Variants in TCHH observed in about 807,000 individuals in gnomAD.
TCHH encodes trichohyalin.
TCHH carries 6 observed loss-of-function variants against 6.3 expected under a neutral mutation model. The ratio of observed to expected loss-of-function variants is 0.95; its 90% confidence interval spans 0.52 to 1.88. The LOEUF (loss-of-function observed/expected upper bound fraction) is 1.88. Ranked by LOEUF, TCHH falls within the 40% of genes most tolerant of loss-of-function variation. TCHH has a pLI of 0.01. For synonymous variants in TCHH, 1,087 were observed against 963.6 expected (o/e 1.13, Z -2.37); for missense variants, 2,920 against 2,449.1 (o/e 1.19, Z -4.06).
chr1:152,112,785 C>T lies in TCHH; in HGVS notation c.432G>A (p.Gln144=). ...GQRRRQKRQE[Q]ERELAEGEEQ... Reference sequence around the variant, plus strand: ...CCTCTCCCTCAGCTAGCTCCCTCTCCTGTTCCTGCCTCTTCTGCCTGCGTC... The same window carrying T: ...CCTCTCCCTCAGCTAGCTCCCTCTCTTGTTCCTGCCTCTTCTGCCTGCGTC... The change falls in exon 3 of 3, where the codon CAG becomes CAA. Residue 144 remains glutamine, a synonymous_variant. Coordinates refer to ENST00000614923, the MANE Select transcript of TCHH (RefSeq NM_007113.4). 1 of 1,614,070 alleles carries T rather than the reference C, an allele frequency of 6.2e-7. No individual in the cohort carries two copies.
intron 2 of TCHH, 54 bp downstream of exon 2, chr1:152,113,889 G>A: frequency 1.9e-6 from 3 of 1,592,680 alleles, no homozygotes; most frequent in Non-Finnish European, 2.6e-6. Flanking sequence ...TCTCCTCTGA[G>A]AATAAATCTC....
chr1:152,108,040 C>G lies in TCHH; in HGVS notation c.5177G>C (p.Arg1726Pro). 1 of 1,613,844 alleles carries G rather than the reference C, an allele frequency of 6.2e-7. No individual in the cohort carries two copies. Residue 1726 changes from arginine to proline, a missense_variant, in exon 3 of 3, where the codon CGT (arginine) becomes CCT (proline). Physicochemically the swap from Arg to Pro is moderately radical, Grantham distance 103. Transcript: ENST00000614923. ...TTCTTGGCGCAGCTGTTCCTCCTCA[C>G]GGAATTTTCTCTCCAGTTCCTGGCG... is the stretch of plus-strand genomic sequence containing the variant. ...LRRQELERKF[R>P]EEEQLRQETE...
rs760561634 is a variant in TCHH, at chr1:152,109,203, G to A, written c.4014C>T (p.Phe1338=). 17 of 1,614,246 alleles carry A rather than the reference G, an allele frequency of 1.1e-5. 1 individual carries two copies. In the Middle Eastern group the frequency reaches 6.6e-4, roughly 63 times the overall value. ...CCTGGAGCAGCTGTTCCTCCTCGCG[G>A]AATTTTCTGTCTGTCTCTTGACGGC... ...KRRRQETDRK[F]REEEQLLQER... is the part of the protein sequence containing the mutation. Residue 1338 remains phenylalanine, a synonymous_variant, in exon 3 of 3, where the codon TTC becomes TTT. Coordinates refer to ENST00000614923, the MANE Select transcript of TCHH (RefSeq NM_007113.4).
At position 152,106,683 on chromosome 1, in the gene TCHH, C is replaced by T. The variant is rs1658114572; in HGVS notation, c.*702G>A. 1 of 152,136 alleles carries T rather than the reference C, an allele frequency of 6.6e-6. No homozygotes were observed. The allele number at this position is 152,136 out of a possible 1,614,324, so 9.4% of individuals were successfully genotyped here. ...TTTGAACTCTGAAGTTGAGAAACAC[C>T]TCATTATTTCTTCATGAGATTATGT... On this transcript the variant is annotated 3_prime_UTR_variant, in exon 3 of 3. Coordinates refer to ENST00000614923, the MANE Select transcript of TCHH (RefSeq NM_007113.4).
In TCHH at chr1:152,110,391, C is replaced by G. The variant is rs753116132; in HGVS notation, c.2826G>C (p.Gln942His). 3 of 1,613,800 alleles carry G rather than the reference C, an allele frequency of 1.9e-6. No homozygotes were observed. Among genetic ancestry groups the G allele is most frequent in the African/African-American group, 1.3e-5 (1 of 74,884 alleles). Residue 942 changes from glutamine to histidine, a missense_variant, in exon 3 of 3, where the codon CAG (glutamine) becomes CAC (histidine). Coordinates refer to ENST00000614923, the MANE Select transcript of TCHH (RefSeq NM_007113.4). ...EEEQLQQEEEQLLREEREKRR... is the reference protein window; with the variant it reads ...EEEQLQQEEEHLLREEREKRR... ...TTTTCTCCCGTTCCTCTCTCAGCAGCTGCTCTTCCTCCTGCTGCAGCTGCT... is the reference window on the plus strand; with the variant it reads ...TTTTCTCCCGTTCCTCTCTCAGCAGGTGCTCTTCCTCCTGCTGCAGCTGCT...
chr1:152,111,495 C>G lies in TCHH; in HGVS notation c.1722G>C (p.Arg574Ser). The change falls in exon 3 of 3, where the codon AGG (arginine) becomes AGC (serine). Residue 574 changes from arginine (R) to serine (S), a missense_variant. Physicochemically the swap from Arg to Ser is moderately radical, Grantham distance 110 (BLOSUM62 -1). Transcript: ENST00000614923. ...CCTCGCGCTTCAGCAGCTGATCGCGCCTCTCCTCCTGCTCGCGCTTCAGCC... is the reference window on the plus strand; with the variant it reads ...CCTCGCGCTTCAGCAGCTGATCGCGGCTCTCCTCCTGCTCGCGCTTCAGCC... The part of the protein sequence containing the change: ...EQRLKREQEE[R>S]RDQLLKREEE... The G allele has an allele frequency of 5.0e-6, 8 of 1,609,848 alleles. No homozygotes were observed. Among genetic ancestry groups the G allele is most frequent in the Non-Finnish European group, 6.8e-6 (8 of 1,178,424 alleles).
At chr1:152,115,262 G>A (rs916308923) in intron 1 of TCHH, 129 bp downstream of exon 1, 1 of 152,180 alleles carries the variant, frequency 6.6e-6, no homozygotes, top group Non-Finnish European at 1.5e-5. Context: ...GTTAGTGATA[G>A]TTTATTTATC....
Position 152,110,298 on chromosome 1 carries a change from C to G in TCHH, c.2919G>C (p.Leu973=). 6.2e-7 allele frequency: 1 copy of G among 1,610,884 alleles called. No individual in the cohort carries two copies. Among genetic ancestry groups the G allele is most frequent in the South Asian group, 1.1e-5 (1 of 90,838 alleles). The change falls in exon 3 of 3, where the codon CTG becomes CTC. Residue 973 remains leucine (L), a synonymous_variant. Coordinates refer to ENST00000614923, the MANE Select transcript of TCHH (RefSeq NM_007113.4). ...TTCTCTTCTCCGGTTCCTCTCCCAG[C>G]AGCTGCTCTTCCTTCTGCTGCAGCT... is the stretch of plus-strand genomic sequence containing the variant. ...DKKLQQKEEQ[L]LGEEPEKRRR...
rs746047246 is a variant in TCHH at position 152,108,663 on chromosome 1, G to C, written c.4554C>G (p.Leu1518=). Reference sequence around the variant, plus strand: ...GGCGGTGCAGCTGCTGTTCCTCCTCGAGGAATTTTCTCTCTGGTTCCTGAC... The same window carrying C: ...GGCGGTGCAGCTGCTGTTCCTCCTCCAGGAATTTTCTCTCTGGTTCCTGAC... ...LRSQEPERKF[L]EEEQQLHRQQ... Residue 1518 remains leucine, a synonymous_variant, in exon 3 of 3, where the codon CTC becomes CTG. Transcript: ENST00000614923. The C allele has an allele frequency of 5.0e-6, 8 of 1,605,746 alleles. No individual in the cohort carries two copies. In the East Asian group the frequency reaches 6.9e-5, roughly 14 times the overall value.
At position 152,109,942 on chromosome 1, in the gene TCHH, T is replaced by C. The variant is rs373051631; in HGVS notation, c.3275A>G (p.Gln1092Arg). 22 of 1,583,314 alleles carry C rather than the reference T, an allele frequency of 1.4e-5. No individual in the cohort carries two copies. The Middle Eastern group carries it at 5.0e-4, about 36-fold the overall frequency. The stretch of plus-strand genomic sequence containing the variant: ...CTTCTCCGGTTCCTCTCTCAGCAGC[T>C]GCTCTTCCTCCTGCTGCAGCTCCTC... ...KEEELQQEEE[Q>R]LLREEPEKRR... The change falls in exon 3 of 3, where the codon CAG (glutamine) becomes CGG (arginine). Residue 1092 changes from glutamine to arginine, a missense_variant. Coordinates refer to ENST00000614923, the MANE Select transcript of TCHH (RefSeq NM_007113.4).
chr1:152,108,417 G>A lies in TCHH; in HGVS notation c.4800C>T (p.Asp1600=), dbSNP rs534910550. The change falls in exon 3 of 3, where the codon GAC becomes GAT. Residue 1600 remains aspartate (D), a synonymous_variant. Transcript: ENST00000614923. ...CCTCCTGGCGGCGCAGCTGCTGTTC[G>A]TCCTCCATGAATTTTCTCTCTTGTT... is the stretch of plus-strand genomic sequence containing the variant. The part of the protein sequence containing the change: ...RQEQERKFME[D]EQQLRRQEGQ... 2.1e-5 allele frequency: 34 copies of A among 1,591,750 alleles called. No homozygotes were observed. In the South Asian group the frequency reaches 3.6e-4, roughly 17 times the overall value.
chr1:152,112,728 C>T lies in TCHH; in HGVS notation c.489G>A (p.Gln163=), dbSNP rs1658421317. The part of the protein sequence containing the change: ...EQSEKQERLE[Q]RDRQRRDEEL... ...CCTCGTCGCGGCGCTGCCTGTCGCG[C>T]TGTTCAAGTCGCTCTTGTTTCTCAC... The change falls in exon 3 of 3, where the codon CAG becomes CAA. Residue 163 remains glutamine (Q), a synonymous_variant. Transcript: ENST00000614923. 6.2e-7 allele frequency: 1 copy of T among 1,614,116 alleles called. No individual in the cohort carries two copies. The highest frequency in any genetic ancestry group is 8.5e-7 in the Non-Finnish European group (1 of 1,180,022).
chr1:152,113,284 C>G (rs1658436299), intron 2 of TCHH, among the ~76,000 whole-genome samples: 1 of 152,154 alleles, frequency 6.6e-6, no homozygotes, highest in Non-Finnish European at 1.5e-5. Flanking sequence ...ATTTTTACAT[C>G]TCGTAATTTA....
Position 152,112,333 on chromosome 1 carries a change from T to C in TCHH, c.884A>G (p.Gln295Arg). ...CTCGCGCCTCAGCCTTTGCTGCTGC[T>C]GCTCTTCCTCCTGGCGCTCCCTCCT... The part of the protein sequence containing the change: ...ELRRERQEEE[Q>R]QQQRLRREQQ... Residue 295 changes from glutamine (Q) to arginine (R), a missense_variant, in exon 3 of 3, where the codon CAG becomes CGG. Physicochemically the swap from Gln to Arg is conservative, Grantham distance 43. Coordinates refer to ENST00000614923, the MANE Select transcript of TCHH (RefSeq NM_007113.4). 4 of 1,613,192 alleles carry C rather than the reference T, an allele frequency of 2.5e-6. No individual in the cohort carries two copies. Among genetic ancestry groups the C allele is most frequent in the Non-Finnish European group, 3.4e-6 (4 of 1,179,982 alleles).
Position 152,107,736 on chromosome 1 carries a change from C to T in TCHH, c.5481G>A (p.Gln1827=), listed in dbSNP as rs1433960879. The change falls in exon 3 of 3, where the codon CAG becomes CAA. Residue 1827 remains glutamine (Q), a synonymous_variant. Coordinates refer to ENST00000614923, the MANE Select transcript of TCHH (RefSeq NM_007113.4). The part of the protein sequence containing the change: ...RDGKYRWEEE[Q]LQLEEQEQRL... ...TCTGCTCTTGTTCCTCAAGTTGGAG[C>T]TGCTCTTCTTCCCAGCGATACTTTC... 1 of 1,614,264 alleles carries T rather than the reference C, an allele frequency of 6.2e-7. No individual in the cohort carries two copies. Among genetic ancestry groups the T allele is most frequent in the South Asian group, 1.1e-5 (1 of 91,088 alleles).
rs748557293 is a variant in TCHH at position 152,111,176 on chromosome 1, G to T, written c.2041C>A (p.Arg681Ser). ...TCCTCCTCAGCTAGCTCCTGCTCGC[G>T]CCTCTCTTCCTCATGCTCGCGCTTC... ...RLKREHEEER[R>S]EQELAEEEQE... Residue 681 changes from arginine (R) to serine (S), a missense_variant, in exon 3 of 3, where the codon CGC (arginine) becomes AGC (serine). Physicochemically the swap from Arg to Ser is moderately radical, Grantham distance 110. Transcript: ENST00000614923. 3 of 1,613,380 alleles carry T rather than the reference G, an allele frequency of 1.9e-6. No homozygotes were observed. The highest frequency in any genetic ancestry group is 2.7e-5 in the African/African-American group (2 of 74,806).
chr1:152,111,200 T>C lies in TCHH; in HGVS notation c.2017A>G (p.Lys673Glu). The change falls in exon 3 of 3, where the codon AAG (lysine) becomes GAG (glutamate). Residue 673 changes from lysine (K) to glutamate (E), a missense_variant. Transcript: ENST00000614923. The stretch of plus-strand genomic sequence containing the variant: ...CGCCTCTCTTCCTCATGCTCGCGCT[T>C]CAGCCGCTGCTCGAGCCTCTCTTCC... ...EEEERLEQRL[K>E]REHEEERREQ... is the part of the protein sequence containing the mutation. 6.2e-7 allele frequency: 1 copy of C among 1,610,392 alleles called. No homozygotes were observed. Among genetic ancestry groups the C allele is most frequent in the Non-Finnish European group, 8.5e-7 (1 of 1,178,812 alleles).
rs1658369483 is a variant in TCHH, at chr1:152,111,817, T to A, written c.1400A>T (p.His467Leu). The A allele has an allele frequency of 2.5e-6, 4 of 1,583,296 alleles. No individual in the cohort carries two copies. The highest frequency in any genetic ancestry group is 3.4e-6 in the Non-Finnish European group (4 of 1,168,156). The change falls in exon 3 of 3, where the codon CAC becomes CTC. Residue 467 changes from histidine to leucine, a missense_variant. By Grantham distance (99) the His-to-Leu change is moderately conservative (BLOSUM62 -3). Transcript: ENST00000614923. Reference protein sequence around the residue: ...WLKREEETERHEQERRKQQLK... With the variant: ...WLKREEETERLEQERRKQQLK... The stretch of plus-strand genomic sequence containing the variant: ...CTGCTGCTTGCGCCTCTCCTGCTCG[T>A]GCCTCTCCGTCTCCTCCTCGCGCTT...
rs1392304316 is a variant in TCHH at position 152,110,850 on chromosome 1, T to C, written c.2367A>G (p.Pro789=). The C allele has an allele frequency of 2.5e-6, 4 of 1,609,116 alleles. No individual in the cohort carries two copies. Among genetic ancestry groups the C allele is most frequent in the Non-Finnish European group, 3.4e-6 (4 of 1,179,568 alleles). Residue 789 remains proline, a synonymous_variant, in exon 3 of 3, where the codon CCA becomes CCG. Transcript: ENST00000614923. ...GCTGCCTCTCCCGCTGCTCCCGCAA[T>C]GGGGGCCTGGCCGACAGCCTCTGAC... ...RGRQRLSARP[P]LREQRERQLR... is the part of the protein sequence containing the mutation.
Sources: gnomAD v4.1 joint callset for allele counts (sites outside exome capture counted in the v4.1 genomes callset) on GRCh38, gnomAD v4.1.1 for gene constraint, MANE v1.5 for transcripts, NCBI Gene and HGNC (gene_info 2026-07-23, HGNC 2026-07-21) for gene names.